The following LRMDA variants were observed in gnomAD, a reference collection of about 807,000 sequenced individuals.
LRMDA encodes leucine-rich melanocyte differentiation-associated protein.
A neutral mutation model predicts 29.8 loss-of-function variants in LRMDA; 18 were observed. The ratio of observed to expected loss-of-function variants is 0.60; its 90% CI spans 0.42 to 0.90. The LOEUF (loss-of-function observed/expected upper bound fraction) is 0.90. Ranked by LOEUF, LRMDA falls within the 40% of genes least tolerant of loss-of-function variation. LRMDA has a pLI of 0.00. For synonymous variants in LRMDA, 125 were observed against 109.4 expected (o/e 1.14, Z -0.89); for missense variants, 273 against 273.9 (o/e 1.00, Z 0.02).
At chr10:75,558,515 T>G (rs572919401) in intron 2 of LRMDA, among the ~76,000 whole-genome samples, 1 of 152,250 alleles carries the variant, frequency 6.6e-6, no homozygotes, top group Non-Finnish European at 1.5e-5. Flanking sequence ...TGACTTTATT[T>G]TGTATTTTTA....
At chr10:75,617,590 T>G in intron 2 of LRMDA, among the ~76,000 whole-genome samples, 1 of 152,178 alleles carries the variant, frequency 6.6e-6, no homozygotes, top group Admixed American at 6.5e-5. Context: ...CACTCACTGC[T>G]CCCCTCTGTC....
At chr10:76,322,285 CA>C (rs1840780939) in intron 5 of LRMDA, among the ~76,000 whole-genome samples, 1 of 152,154 alleles carries the variant, frequency 6.6e-6, no homozygotes, top group Admixed American at 6.5e-5. Context: ...GAAAGGATCA[CA>C]AGGGCTTCAT....
At position 75,774,442 on chromosome 10, in the gene LRMDA, ATAAT is replaced by A. The variant is rs571860306; in HGVS notation, c.132-261561_132-261558del. ...CATAACAGTTCAGTTAAATTCAAAA[ATAAT>A]TAATAATATTATGTATCTTAGAAAT... On this transcript the variant is annotated intron_variant, in intron 2 of 6. Coordinates refer to ENST00000611255, the MANE Select transcript of LRMDA (RefSeq NM_001305581.2). Among the ~76,000 whole-genome samples the A allele has an allele frequency of 1.8e-3, 270 of 152,298 alleles. 2 individuals carry two copies. Among genetic ancestry groups the A allele is most frequent in the Middle Eastern group, 3.4e-3 (1 of 294 alleles).
chr10:75,826,071 T>A (rs888162148), intron 2 of LRMDA, among the ~76,000 whole-genome samples: 1 of 152,198 alleles, frequency 6.6e-6, no homozygotes, highest in Non-Finnish European at 1.5e-5. Context: ...TCAGAAGTGC[T>A]TCTTGGTTCA....
intron 2 of LRMDA, among the ~76,000 whole-genome samples, chr10:75,698,974 G>C (rs539499420): frequency 6.6e-6 from 1 of 152,144 alleles, no homozygotes; most frequent in Non-Finnish European, 1.5e-5. Flanking sequence ...GCTGAGGCGG[G>C]TGGATCACCT....
At chr10:75,598,712 T>C (rs1179962575) in intron 2 of LRMDA, among the ~76,000 whole-genome samples, 1 of 152,130 alleles carries the variant, frequency 6.6e-6, no homozygotes, top group Non-Finnish European at 1.5e-5. Flanking sequence ...CTCCTTTCGT[T>C]CTCCTCCTTC....
intron 5 of LRMDA, among the ~76,000 whole-genome samples, chr10:76,205,677 C>T (rs12220459): frequency 0.21 from 31,800 of 151,742 alleles, 3,697 homozygotes; most frequent in East Asian, 0.52. Context: ...TGTGGGGGTG[C>T]GGGGTGAAGG....
At chr10:76,484,600 G>A (rs931939206) in intron 6 of LRMDA, among the ~76,000 whole-genome samples, 2 of 151,864 alleles carry the variant, frequency 1.3e-5, no homozygotes, top group Non-Finnish European at 2.9e-5. Context: ...CTGTTGTACA[G>A]ATAAAACTGA....
chr10:75,734,925 T>C (rs1235993410), intron 2 of LRMDA, among the ~76,000 whole-genome samples: 1 of 152,272 alleles, frequency 6.6e-6, no homozygotes, highest in Non-Finnish European at 1.5e-5. Context: ...CCTGTCCTTC[T>C]GTGATGCTCC....
chr10:76,126,026 A>G (rs1216157223), intron 5 of LRMDA, among the ~76,000 whole-genome samples: 2 of 152,214 alleles, frequency 1.3e-5, no homozygotes, highest in African/African-American at 4.8e-5. Context: ...ATGGAATGCA[A>G]TTATGTGCAT....
At chr10:75,877,615 A>T (rs1284541720) in intron 2 of LRMDA, among the ~76,000 whole-genome samples, 1 of 152,238 alleles carries the variant, frequency 6.6e-6, no homozygotes, top group Non-Finnish European at 1.5e-5. Flanking sequence ...AGTTGGACCT[A>T]TTAACCTAGT....
At chr10:75,721,382 G>A (rs1429755703) in intron 2 of LRMDA, among the ~76,000 whole-genome samples, 1 of 152,156 alleles carries the variant, frequency 6.6e-6, no homozygotes, top group African/African-American at 2.4e-5. Flanking sequence ...TGTAATTTCT[G>A]TGTAGTTTAT....
At chr10:76,435,601 A>G (rs1842236983) in intron 6 of LRMDA, among the ~76,000 whole-genome samples, 1 of 152,202 alleles carries the variant, frequency 6.6e-6, no homozygotes, top group Non-Finnish European at 1.5e-5. Context: ...AACTGATTAC[A>G]TTTTTGATGT....
intron 5 of LRMDA, among the ~76,000 whole-genome samples, chr10:76,194,535 T>G (rs564356174): frequency 6.6e-6 from 1 of 152,348 alleles, no homozygotes; most frequent in Non-Finnish European, 1.5e-5. Flanking sequence ...ATTTTGCTGC[T>G]TTGATAATAC....
chr10:76,125,315 AG>A (rs1589338358), intron 5 of LRMDA, among the ~76,000 whole-genome samples: 1 of 152,158 alleles, frequency 6.6e-6, no homozygotes, highest in Non-Finnish European at 1.5e-5. Context: ...TTGTGCATGG[AG>A]AAGATTTGGA....
intron 2 of LRMDA, among the ~76,000 whole-genome samples, chr10:75,569,805 G>A (rs374707927): frequency 6.6e-6 from 1 of 152,216 alleles, no homozygotes; most frequent in African/African-American, 2.4e-5. Context: ...ACTCAGGATT[G>A]CTTGGAGACT....
In LRMDA at chr10:76,124,675, G is replaced by A. The variant is rs148184454; in HGVS notation, c.516+65892G>A. Among the ~76,000 whole-genome samples the A allele has an allele frequency of 3.7e-3, 564 of 152,316 alleles. 5 individuals are homozygous for A. The highest frequency in any genetic ancestry group is 0.013 in the African/African-American group (543 of 41,570). The stretch of plus-strand genomic sequence containing the variant: ...ATCCAGCCCCTTGGCCACACAGTAG[G>A]GTTTGGGTCAATGCCCTTAGCATTA... On this transcript the variant is annotated intron_variant, in intron 5 of 6. Transcript: ENST00000611255.
chr10:75,698,046 A>G (rs908635738), intron 2 of LRMDA, among the ~76,000 whole-genome samples: 2 of 152,176 alleles, frequency 1.3e-5, no homozygotes, highest in African/African-American at 4.8e-5. Context: ...TGAAAATGGG[A>G]AAACTAAGTT....
chr10:75,641,138 G>A (rs1482358446), intron 2 of LRMDA, among the ~76,000 whole-genome samples: 1 of 152,206 alleles, frequency 6.6e-6, no homozygotes, highest in Non-Finnish European at 1.5e-5. Flanking sequence ...CTCTCTGAGT[G>A]TGTTACAAAT....
Sources: allele counts gnomAD v4.1 joint callset (sites outside exome capture counted in the v4.1 genomes callset), GRCh38; gene constraint gnomAD v4.1.1; transcripts MANE v1.5; gene names NCBI Gene and HGNC (gene_info 2026-07-23, HGNC 2026-07-21).